Variants in CADM2 observed in about 807,000 individuals in gnomAD.
CADM2 encodes immunoglobulin superfamily member 4D.
A neutral mutation model predicts 49.8 loss-of-function variants in CADM2; 12 were observed. The ratio of observed to expected loss-of-function variants is 0.24; its 90% CI spans 0.15 to 0.39. CADM2 has a LOEUF of 0.39. Ranked by LOEUF, CADM2 falls within the 10% of genes least tolerant of loss-of-function variation. CADM2 has a pLI of 1.00. For missense variants in CADM2, 378 were observed against 492.3 expected (o/e 0.77, Z 2.20); for synonymous variants, 214 against 175.4 (o/e 1.22, Z -1.74).
intron 1 of CADM2, among the ~76,000 whole-genome samples, chr3:85,150,923 A>T (rs1279239819): frequency 1.4e-5 from 2 of 146,816 alleles, no homozygotes; most frequent in South Asian, 4.3e-4. Context: ...AAATAAAAAT[A>T]AATAATAATA....
intron 5 of CADM2, among the ~76,000 whole-genome samples, chr3:85,892,486 G>T (rs1158303964): frequency 6.6e-6 from 1 of 152,104 alleles, no homozygotes; most frequent in Non-Finnish European, 1.5e-5. Flanking sequence ...AATCATGGGG[G>T]TGTGTTTTTC....
chr3:85,896,524 G>A (rs1715234717), intron 5 of CADM2, among the ~76,000 whole-genome samples: 1 of 152,134 alleles, frequency 6.6e-6, no homozygotes. Context: ...CCTGCCCTGA[G>A]AATTATGCTG....
chr3:85,508,169 C>A (rs80120406), intron 1 of CADM2, among the ~76,000 whole-genome samples: 60 of 152,248 alleles, frequency 3.9e-4, no homozygotes, highest in African/African-American at 1.4e-3. Context: ...AAATAGGCCT[C>A]CATGAGCACG....
At chr3:85,070,033 T>G (rs1179319936) in intron 1 of CADM2, among the ~76,000 whole-genome samples, 3 of 152,180 alleles carry the variant, frequency 2.0e-5, no homozygotes, top group Admixed American at 6.5e-5. Flanking sequence ...TCTGTTCAAC[T>G]TCTTCGAATT....
At chr3:85,939,609 A>G (rs1264717391) in intron 7 of CADM2, among the ~76,000 whole-genome samples, 3 of 151,828 alleles carry the variant, frequency 2.0e-5, no homozygotes, top group African/African-American at 7.3e-5. Flanking sequence ...CGAATGTGTA[A>G]GGCTGTTTAA....
intron 3 of CADM2, among the ~76,000 whole-genome samples, chr3:85,825,592 G>T (rs1432280465): frequency 1.3e-5 from 2 of 151,942 alleles, no homozygotes; most frequent in Non-Finnish European, 2.9e-5. Flanking sequence ...GGATGAAAAT[G>T]GCAGAATCTG....
chr3:85,389,031 T>C (rs1209998420), intron 1 of CADM2, among the ~76,000 whole-genome samples: 1 of 152,072 alleles, frequency 6.6e-6, no homozygotes, highest in Non-Finnish European at 1.5e-5. Context: ...TTCCAGGACA[T>C]TGTGGGTATC....
At chr3:86,052,199 G>A (rs1419993199) in intron 8 of CADM2, among the ~76,000 whole-genome samples, 2 of 151,998 alleles carry the variant, frequency 1.3e-5, no homozygotes, top group African/African-American at 4.8e-5. Context: ...TTTATTTTAG[G>A]TTATGTATTT....
intron 1 of CADM2, among the ~76,000 whole-genome samples, chr3:85,521,222 C>T (rs924858565): frequency 3.9e-5 from 6 of 152,104 alleles, no homozygotes; most frequent in South Asian, 2.1e-4. Flanking sequence ...TTTGCATTCT[C>T]ACCTCAGCTT....
intron 1 of CADM2, among the ~76,000 whole-genome samples, chr3:85,062,990 G>T: frequency 6.6e-6 from 1 of 151,882 alleles, no homozygotes; most frequent in East Asian, 1.9e-4. Flanking sequence ...TAAAAAAGTG[G>T]AAGTTGAATC....
intron 1 of CADM2, among the ~76,000 whole-genome samples, chr3:85,237,696 A>G (rs1483032728): frequency 6.6e-6 from 1 of 151,694 alleles, no homozygotes; most frequent in East Asian, 1.9e-4. Flanking sequence ...TACTCTAAAG[A>G]TTGTGCTTCT....
At chr3:85,662,193 CT>C (rs536757577) in intron 1 of CADM2, among the ~76,000 whole-genome samples, 10 of 144,990 alleles carry the variant, frequency 6.9e-5, no homozygotes, top group Non-Finnish European at 1.5e-4. Context: ...TAAACAATTA[CT>C]TTTTCTTTTA....
Position 84,959,339 on chromosome 3 carries a change from G to T in CADM2, c.-269G>T. ...AGAGGAAGGCAAGCTCCAAACCCCT[G>T]CCTGGAAGACGGGCTGTCGCGGCTG... On this transcript the variant is annotated 5_prime_UTR_variant, in exon 1 of 10. Transcript: ENST00000383699. 1.8e-6 allele frequency: 1 copy of T among 559,634 alleles called. No homozygotes were observed. The allele number at this position is 559,634 out of a possible 1,614,324, so 34.7% of individuals were successfully genotyped here.
chr3:85,109,121 G>C (rs2038356022), intron 1 of CADM2, among the ~76,000 whole-genome samples: 1 of 151,978 alleles, frequency 6.6e-6, no homozygotes, highest in Non-Finnish European at 1.5e-5. Flanking sequence ...GAAGATGTGG[G>C]AGGAGGGGGA....
intron 1 of CADM2, among the ~76,000 whole-genome samples, chr3:85,275,177 G>A (rs2043327942): frequency 6.6e-6 from 1 of 151,518 alleles, no homozygotes; most frequent in Non-Finnish European, 1.5e-5. Flanking sequence ...CAAGTACCTT[G>A]CTGAATTGCT....
rs576034567 is a variant in CADM2, at chr3:85,008,160, T to C, written c.61+48492T>C. Among the ~76,000 whole-genome samples, 86 of 152,326 alleles carry C rather than the reference T, an allele frequency of 5.6e-4. No individual in the cohort carries two copies. In the South Asian group the frequency reaches 0.012, roughly 22 times the overall value. On this transcript the variant is annotated intron_variant, in intron 1 of 9. Coordinates refer to ENST00000383699, the MANE Select transcript of CADM2 (RefSeq NM_001167675.2). ...GTTGGCACCAACTCCAGTCTACTTC[T>C]GTTAGTTTTCAAATGGTGGAGTGAG...
chr3:85,673,696 A>G lies in CADM2; in HGVS notation c.62-52826A>G, dbSNP rs1322217705. On this transcript the variant is annotated intron_variant, in intron 1 of 9. Coordinates refer to ENST00000383699, the MANE Select transcript of CADM2 (RefSeq NM_001167675.2). ...AGAGAAAGAGGGAGAGAAAGAAAGA[A>G]GTAAGGAAGAAAGTGTACTTCCTTC... Among the ~76,000 whole-genome samples, 3 of 152,186 alleles carry G rather than the reference A, an allele frequency of 2.0e-5. No homozygotes were observed. In the South Asian group the frequency reaches 6.2e-4, roughly 32 times the overall value.
intron 1 of CADM2, among the ~76,000 whole-genome samples, chr3:85,050,863 A>G (rs1338068052): frequency 6.6e-6 from 1 of 152,196 alleles, no homozygotes; most frequent in African/African-American, 2.4e-5. Flanking sequence ...AAAACACAGG[A>G]CAAGAAGTAT....
intron 1 of CADM2, among the ~76,000 whole-genome samples, chr3:85,201,693 T>C (rs1252846221): frequency 1.3e-5 from 2 of 152,150 alleles, no homozygotes; most frequent in Non-Finnish European, 2.9e-5. Flanking sequence ...TTACAAAATA[T>C]TCTAAAATTT....
Sources: gnomAD v4.1 joint callset for allele counts (sites outside exome capture counted in the v4.1 genomes callset) on GRCh38, gnomAD v4.1.1 for gene constraint, MANE v1.5 for transcripts, NCBI Gene and HGNC (gene_info 2026-07-23, HGNC 2026-07-21) for gene names.